The following CAMK2G variants were observed in gnomAD, a reference collection of about 807,000 sequenced individuals.
The protein encoded by CAMK2G is calcium/calmodulin-dependent protein kinase type II subunit gamma.
A neutral mutation model predicts 88.7 loss-of-function variants in CAMK2G; 23 were observed. The ratio of observed to expected loss-of-function variants is 0.26; its 90% CI spans 0.19 to 0.37. CAMK2G has a LOEUF of 0.37. Among genes scored for constraint, CAMK2G ranks in the 10% least tolerant of loss-of-function variants. The pLI is 1.00. For synonymous variants in CAMK2G, 263 were observed against 294.8 expected, an observed-to-expected ratio of 0.89 and a Z score of 1.11; for missense variants, 476 against 780.8, an observed-to-expected ratio of 0.61 and a Z score of 4.65.
chr10:73,833,374 G>C (rs182749776), intron 14 of CAMK2G, among the ~76,000 whole-genome samples: 1 of 152,096 alleles, frequency 6.6e-6, no homozygotes, highest in Non-Finnish European at 1.5e-5. Flanking sequence ...AGAATTAACA[G>C]GGTAAAAAGA....
In CAMK2G at chr10:73,839,747, G is replaced by A. The variant is rs1274276485; in HGVS notation, c.947-146C>T. 2.4e-6 allele frequency: 1 copy of A among 421,546 alleles called. No homozygotes were observed. 26.1% of individuals were successfully genotyped at this position (421,546 alleles called of 1,614,324 possible). A position where few individuals can be genotyped will look rare whatever the true frequency, so the allele number is the denominator to read the frequency against. ...AGCGGAGCGCCAGGGGCAGGCTGAG[G>A]AGGTAGGCGCAGCCAGCCCTGCAGC... On this transcript the variant is annotated intron_variant, in intron 12 of 22. Transcript: ENST00000423381. The surrounding 1 kb of genome is among the most constrained non-coding windows in gnomAD (Gnocchi z 4.2).
chr10:73,862,349 T>C (rs1311751198), intron 2 of CAMK2G, among the ~76,000 whole-genome samples: 1 of 143,608 alleles, frequency 7.0e-6, no homozygotes. Flanking sequence ...TCACATCATA[T>C]ATTACATCAG....
intron 3 of CAMK2G, among the ~76,000 whole-genome samples, chr10:73,858,591 C>A (rs963704232): frequency 1.3e-5 from 2 of 152,158 alleles, no homozygotes; most frequent in Admixed American, 1.3e-4. Context: ...CTCCTTAGGA[C>A]CTGGGAGCAG....
Position 73,837,525 on chromosome 10 carries a change from G to C in CAMK2G, c.1010-14C>G. ...GGCTTTTGGCAGCTGTGAAAACAAA[G>C]AGGAATATCAAGTCTCCTGCATTGT... On this transcript the variant is annotated splice_polypyrimidine_tract_variant and intron_variant, in intron 13 of 22. Transcript: ENST00000423381. 1 of 1,610,790 alleles carries C rather than the reference G, an allele frequency of 6.2e-7. No individual in the cohort carries two copies. The highest frequency in any genetic ancestry group is 8.5e-7 in the Non-Finnish European group (1 of 1,177,000).
chr10:73,813,394 C>T lies in CAMK2G; in HGVS notation c.*1124G>A, dbSNP rs993791716. 1.3e-5 allele frequency: 2 copies of T among 152,662 alleles called. No individual in the cohort carries two copies. The highest frequency in any genetic ancestry group is 1.5e-5 in the Non-Finnish European group (1 of 68,066). 9.5% of individuals were successfully genotyped at this position (152,662 alleles called of 1,614,324 possible). On this transcript the variant is annotated 3_prime_UTR_variant, in exon 23 of 23. Coordinates refer to ENST00000423381, the MANE Select transcript of CAMK2G (RefSeq NM_001367534.1). ...TCTCAAAGACAGGAAAAGAGATGGA[C>T]GTGCAGCAAGGAAGAATAAGAAGGG...
chr10:73,824,199 C>G, intron 16 of CAMK2G, 115 bp from the exon 17 acceptor site: 2 of 729,346 alleles, frequency 2.7e-6, no homozygotes, highest in Non-Finnish European at 4.9e-6. Flanking sequence ...CCACTGAGGC[C>G]TGCCCACCAG....
At chr10:73,841,317 G>T (rs763157059) in intron 12 of CAMK2G, among the ~76,000 whole-genome samples, 5 of 152,280 alleles carry the variant, frequency 3.3e-5, no homozygotes, top group Middle Eastern at 6.8e-3. Flanking sequence ...GGAAGGAGAA[G>T]GGGGGGTCTT....
rs868740895 is a variant in CAMK2G at position 73,838,007 on chromosome 10, A to G, written c.1010-496T>C. Among the ~76,000 whole-genome samples the G allele has an allele frequency of 3.9e-5, 6 of 152,346 alleles. No homozygotes were observed. In the Middle Eastern group the frequency reaches 0.01, roughly 259 times the overall value. On this transcript the variant is annotated intron_variant, in intron 13 of 22. Coordinates refer to ENST00000423381, the MANE Select transcript of CAMK2G (RefSeq NM_001367534.1). ...GACAGACACAGACACAGAAACCAGGACCACCTACAGGAGGGTTTTGCCAGG... is the reference window on the plus strand; with the variant it reads ...GACAGACACAGACACAGAAACCAGGGCCACCTACAGGAGGGTTTTGCCAGG...
At chr10:73,865,967 C>A (rs974064974) in intron 2 of CAMK2G, among the ~76,000 whole-genome samples, 27 of 152,070 alleles carry the variant, frequency 1.8e-4, no homozygotes. Flanking sequence ...TGGAGAGACC[C>A]ACCCCTGCCG....
At chr10:73,864,683 C>T (rs902634424) in intron 2 of CAMK2G, among the ~76,000 whole-genome samples, 4 of 151,976 alleles carry the variant, frequency 2.6e-5, no homozygotes, top group African/African-American at 9.7e-5. Flanking sequence ...TACTCTGTTG[C>T]CCAGGCTGGA....
chr10:73,837,161 C>G (rs1326302489), intron 14 of CAMK2G: 1 of 365,962 alleles, frequency 2.7e-6, no homozygotes, highest in Non-Finnish European at 5.1e-6. Flanking sequence ...ACCTAAAAAA[C>G]CCAGAGTCAA....
chr10:73,846,540 A>T (rs1210782355), intron 10 of CAMK2G: 1 of 152,210 alleles, frequency 6.6e-6, no homozygotes, highest in Non-Finnish European at 1.5e-5. Context: ...GGCAGGGACC[A>T]TGCCTCATTC....
intron 1 of CAMK2G, among the ~76,000 whole-genome samples, chr10:73,873,825 AG>A (rs2095954520): frequency 2.1e-5 from 1 of 47,358 alleles, no homozygotes; most frequent in Admixed American, 2.9e-4. Context: ...TGCGGAGGGG[AG>A]GGGGATGCTG....
Position 73,842,615 on chromosome 10 carries a change from C to G in CAMK2G, c.820-74G>C. The G allele has an allele frequency of 1.8e-6, 2 of 1,083,854 alleles. No homozygotes were observed. The highest frequency in any genetic ancestry group is 2.8e-6 in the Non-Finnish European group (2 of 702,702). The allele number at this position is 1,083,854 out of a possible 1,614,324, so 67.1% of individuals were successfully genotyped here. A position where few individuals can be genotyped will look rare whatever the true frequency, so the allele number is the denominator to read the frequency against. ...CCTCCCACAGTCCTGGCACCGATAC[C>G]ATGCCCAGGACAGGGTCATGCACTC... On this transcript the variant is annotated intron_variant, in intron 10 of 22. Transcript: ENST00000423381. The surrounding 1 kb of genome is among the most constrained non-coding windows in gnomAD (Gnocchi z 4.6).
chr10:73,866,952 A>G (rs2095618382), intron 2 of CAMK2G, among the ~76,000 whole-genome samples: 1 of 152,200 alleles, frequency 6.6e-6, no homozygotes, highest in Non-Finnish European at 1.5e-5. Context: ...TCCTCTTTGA[A>G]TCTCACTCTA....
Position 73,848,111 on chromosome 10 carries a change from G to T in CAMK2G, c.602-29C>A. ...CGAGACAGAACACACAGGTCATGGGGGTCAGTCGCCTACTTCCCTGAGGAA... is the reference window on the plus strand; with the variant it reads ...CGAGACAGAACACACAGGTCATGGGTGTCAGTCGCCTACTTCCCTGAGGAA... On this transcript the variant is annotated intron_variant, in intron 8 of 22. Coordinates refer to ENST00000423381, the MANE Select transcript of CAMK2G (RefSeq NM_001367534.1). This position sits in a 1 kb window ranked among gnomAD's most constrained non-coding sequence, Gnocchi z 4.5. The T allele has an allele frequency of 7.3e-7, 1 of 1,364,272 alleles. No individual in the cohort carries two copies. Among genetic ancestry groups the T allele is most frequent in the Non-Finnish European group, 1.0e-6 (1 of 953,410 alleles). The allele number at this position is 1,364,272 out of a possible 1,614,324, so 84.5% of individuals were successfully genotyped here. A position where few individuals can be genotyped will look rare whatever the true frequency, so the allele number is the denominator to read the frequency against.
chr10:73,836,582 A>AGGAGGGAGTGG (rs1452503981), intron 14 of CAMK2G, among the ~76,000 whole-genome samples: 5 of 152,062 alleles, frequency 3.3e-5, no homozygotes, highest in Non-Finnish European at 7.4e-5. Flanking sequence ...TGAGGGAAAG[A>AGGAGGGAGTGG]GGAGGGAGTG....
intron 2 of CAMK2G, among the ~76,000 whole-genome samples, chr10:73,865,883 C>A (rs1400774406): frequency 2.0e-5 from 3 of 152,014 alleles, no homozygotes; most frequent in Admixed American, 6.5e-5. Flanking sequence ...CCCAGCCCCC[C>A]CCTTCCTGTT....
Position 73,813,372 on chromosome 10 carries a change from C to CA in CAMK2G, c.*1145dup, listed in dbSNP as rs1333588462. 2.0e-5 allele frequency: 3 copies of CA among 152,674 alleles called. No homozygotes were observed. Among genetic ancestry groups the CA allele is most frequent in the Admixed American group, 6.5e-5 (1 of 15,280 alleles). 9.5% of individuals were successfully genotyped at this position (152,674 alleles called of 1,614,324 possible). A position where few individuals can be genotyped will look rare whatever the true frequency, so the allele number is the denominator to read the frequency against. On this transcript the variant is annotated 3_prime_UTR_variant, in exon 23 of 23. Transcript: ENST00000423381. The stretch of plus-strand genomic sequence containing the variant: ...CTTGCCAGAGCAGTCAGGTCAATCT[C>CA]AAAGACAGGAAAAGAGATGGACGTG...
Sources: allele counts gnomAD v4.1 joint callset (sites outside exome capture counted in the v4.1 genomes callset), GRCh38; gene constraint gnomAD v4.1.1; non-coding constraint Gnocchi (gnomAD v3.1); transcripts MANE v1.5; gene names NCBI Gene and HGNC (gene_info 2026-07-23, HGNC 2026-07-21).